The following RAB11FIP3 variants were observed in gnomAD, a reference collection of about 807,000 sequenced individuals.
The protein encoded by RAB11FIP3 is rab11 family-interacting protein 3.
RAB11FIP3 carries 17 observed loss-of-function variants against 77.8 expected under a neutral mutation model. That is an observed-to-expected ratio of 0.22 (90% CI 0.15 to 0.33). The LOEUF is 0.33. Ranked by LOEUF, RAB11FIP3 falls within the 10% of genes least tolerant of loss-of-function variation. The pLI is 1.00. For synonymous variants in RAB11FIP3, 437 were observed against 448.2 expected (o/e 0.98, Z 0.31); for missense variants, 1,005 against 1,011.2 (o/e 0.99, Z 0.08).
intron 5 of RAB11FIP3, among the ~76,000 whole-genome samples, chr16:491,643 C>G (rs2030201473): frequency 6.6e-6 from 1 of 152,234 alleles, no homozygotes; most frequent in Admixed American, 6.5e-5. Flanking sequence ...AAACAGCTTT[C>G]AGGATTGTCA....
chr16:466,666 C>T lies in RAB11FIP3; in HGVS notation c.809-4629C>T, dbSNP rs140462012. On this transcript the variant is annotated intron_variant, in intron 2 of 13. Transcript: ENST00000262305. The stretch of plus-strand genomic sequence containing the variant: ...GTGACTGAAGGGGTGAGAGAGTGAT[C>T]GTCCAAGGACAGCCCATCTCCAGAT... Among the ~76,000 whole-genome samples, 1,054 of 152,292 alleles carry T rather than the reference C, an allele frequency of 6.9e-3. 10 individuals are homozygous for T. Among genetic ancestry groups the T allele is most frequent in the African/African-American group, 0.024 (1,001 of 41,552 alleles).
chr16:461,327 CT>C lies in RAB11FIP3; in HGVS notation c.715-76del. The C allele has an allele frequency of 8.6e-7, 1 of 1,165,628 alleles. No individual in the cohort carries two copies. The highest frequency in any genetic ancestry group is 2.0e-5 in the Admixed American group (1 of 49,092). 72.2% of individuals were successfully genotyped at this position (1,165,628 alleles called of 1,614,324 possible). A position where few individuals can be genotyped will look rare whatever the true frequency, so the allele number is the denominator to read the frequency against. On this transcript the variant is annotated intron_variant, in intron 1 of 13. Coordinates refer to ENST00000262305, the MANE Select transcript of RAB11FIP3 (RefSeq NM_014700.4). The surrounding 1 kb of genome is among the most constrained non-coding windows in gnomAD (Gnocchi z 4.5). Reference sequence around the variant, plus strand: ...TCCCAGCAGGCCACACACCAGATCTCTCCCAGTCCGAGGTCCAGGGTTGGGG... The same window carrying C: ...TCCCAGCAGGCCACACACCAGATCTCCCCAGTCCGAGGTCCAGGGTTGGGG...
At position 452,809 on chromosome 16, in the gene RAB11FIP3, G is replaced by C. The variant is rs563057389; in HGVS notation, c.715-8595G>C. Among the ~76,000 whole-genome samples the C allele has an allele frequency of 1.3e-4, 9 of 66,874 alleles. 1 individual carries two copies. The East Asian group carries it at 3.3e-3, about 24-fold the overall frequency. 43.9% of individuals were successfully genotyped at this position (66,874 alleles called of 152,430 possible). A position where few individuals can be genotyped will look rare whatever the true frequency, so the allele number is the denominator to read the frequency against. On this transcript the variant is annotated intron_variant, in intron 1 of 13. Coordinates refer to ENST00000262305, the MANE Select transcript of RAB11FIP3 (RefSeq NM_014700.4). ...CTCGCTCTGTTGCCCAGGCTAGAGT[G>C]CAGTGAGCGATCTTGGCTCACTGCA...
intron 7 of RAB11FIP3, among the ~76,000 whole-genome samples, chr16:503,828 C>T (rs1030536065): frequency 2.0e-5 from 3 of 151,754 alleles, no homozygotes; most frequent in Non-Finnish European, 4.4e-5. Flanking sequence ...TGCAGTGAGC[C>T]GAGATTGCAC....
intron 5 of RAB11FIP3, among the ~76,000 whole-genome samples, chr16:496,106 C>A (rs2031106302): frequency 6.6e-6 from 1 of 152,156 alleles, no homozygotes; most frequent in Non-Finnish European, 1.5e-5. Context: ...GTTTTTGAGA[C>A]AGGTAAGCTG....
chr16:460,873 G>A lies in RAB11FIP3; in HGVS notation c.715-531G>A, dbSNP rs74000598. 6.7e-3 allele frequency among the ~76,000 whole-genome samples: 1,009 copies of A among 150,584 alleles called. 10 individuals are homozygous for A. The highest frequency in any genetic ancestry group is 0.024 in the African/African-American group (955 of 39,930). On this transcript the variant is annotated intron_variant, in intron 1 of 13. Transcript: ENST00000262305. ...GCAGCCCATTTACAGGGTGCTGCCT[G>A]TCCTGTGGCTGTGACCGTCTGCAGT... is the stretch of plus-strand genomic sequence containing the variant.
chr16:427,011 A>T lies in RAB11FIP3; in HGVS notation c.714+291A>T, dbSNP rs554618830. On this transcript the variant is annotated intron_variant, in intron 1 of 13. Transcript: ENST00000262305. Reference sequence around the variant, plus strand: ...ACCGAGGTCAGCTCCTCGCCTGGGGACACCCCCCCAGGGGGCCTGATCGCC... The same window carrying T: ...ACCGAGGTCAGCTCCTCGCCTGGGGTCACCCCCCCAGGGGGCCTGATCGCC... 4.7e-5 allele frequency among the ~76,000 whole-genome samples: 7 copies of T among 150,532 alleles called. No homozygotes were observed. In the South Asian group the frequency reaches 6.3e-4, roughly 14 times the overall value.
intron 9 of RAB11FIP3, among the ~76,000 whole-genome samples, chr16:512,849 T>A (rs1444776121): frequency 2.0e-5 from 3 of 152,002 alleles, no homozygotes; most frequent in Admixed American, 2.0e-4. Context: ...AGCCAAAAAA[T>A]CATTATTTTA....
chr16:510,806 C>T lies in RAB11FIP3; in HGVS notation c.1640+6C>T, dbSNP rs371764336. On this transcript the variant is annotated splice_donor_region_variant and intron_variant, in intron 9 of 13. Transcript: ENST00000262305. ...ATCGAGAACCTGCAGACCAGGTAGG[C>T]GGTTCCCAACAGCCCATCCACCCCA... 512 of 1,611,162 alleles carry T rather than the reference C, an allele frequency of 3.2e-4. 4 individuals carry two copies. The African/African-American group carries it at 5.9e-3, about 19-fold the overall frequency.
chr16:435,219 AAAGTT>A (rs1320456985), intron 1 of RAB11FIP3, among the ~76,000 whole-genome samples: 2 of 152,024 alleles, frequency 1.3e-5, no homozygotes, highest in South Asian at 2.1e-4. Context: ...AAAAAAAAAA[AAAGTT>A]AAGGACTATT....
chr16:492,362 T>TCCAGGGCCC (rs2030354690), intron 5 of RAB11FIP3, among the ~76,000 whole-genome samples: 1 of 63,664 alleles, frequency 1.6e-5, no homozygotes, highest in African/African-American at 7.9e-5. Flanking sequence ...GAAGAGGGTC[T>TCCAGGGCCC]TCCCGGGAGA....
chr16:501,778 C>T (rs1192559232), intron 6 of RAB11FIP3, among the ~76,000 whole-genome samples: 1 of 150,208 alleles, frequency 6.7e-6, no homozygotes, highest in African/African-American at 2.5e-5. Flanking sequence ...AGAGGGTCCC[C>T]CCATTTCACA....
Position 425,698 on chromosome 16 carries a change from C to T in RAB11FIP3, c.-309C>T, listed in dbSNP as rs2054925476. 3.6e-6 allele frequency: 1 copy of T among 279,312 alleles called. No homozygotes were observed. The highest frequency in any genetic ancestry group is 2.3e-5 in the African/African-American group (1 of 44,322). The allele number at this position is 279,312 out of a possible 1,614,324, so 17.3% of individuals were successfully genotyped here. On this transcript the variant is annotated 5_prime_UTR_variant, in exon 1 of 14. Coordinates refer to ENST00000262305, the MANE Select transcript of RAB11FIP3 (RefSeq NM_014700.4). ...CTTCACAGGCTCCGCGGCCTCCGGCCTCCTCGGCCCCCGTCCCCCGGCCTC... is the reference window on the plus strand; with the variant it reads ...CTTCACAGGCTCCGCGGCCTCCGGCTTCCTCGGCCCCCGTCCCCCGGCCTC...
In RAB11FIP3 at chr16:498,376, C is replaced by T. The variant is rs547466336; in HGVS notation, c.1301+1517C>T. 9.5e-4 allele frequency among the ~76,000 whole-genome samples: 144 copies of T among 152,280 alleles called. 1 individual carries two copies. Among genetic ancestry groups the T allele is most frequent in the African/African-American group, 2.8e-3 (117 of 41,548 alleles). On this transcript the variant is annotated intron_variant, in intron 6 of 13. Transcript: ENST00000262305. ...TTTTAATAGAGATGGAGTTTCACTACGTTGCCCAGACTGATCTTGAGCTCC... is the reference window on the plus strand; with the variant it reads ...TTTTAATAGAGATGGAGTTTCACTATGTTGCCCAGACTGATCTTGAGCTCC...
At chr16:520,666 T>C (rs2032645321) in intron 13 of RAB11FIP3, 60 bp from the exon 14 acceptor site, 1 of 1,611,002 alleles carries the variant, frequency 6.2e-7, no homozygotes, top group East Asian at 2.2e-5. Context: ...TGCGCTGTGG[T>C]TTATGCGCTG....
intron 1 of RAB11FIP3, among the ~76,000 whole-genome samples, chr16:432,776 T>C (rs1285693230): frequency 1.3e-5 from 2 of 151,456 alleles, no homozygotes; most frequent in Admixed American, 1.3e-4. Flanking sequence ...GGCTAAATTT[T>C]TGTATTTTTA....
chr16:437,087 A>G (rs111657372), intron 1 of RAB11FIP3, among the ~76,000 whole-genome samples: 79 of 151,180 alleles, frequency 5.2e-4, no homozygotes, highest in African/African-American at 1.9e-3. Flanking sequence ...ACCAGCCTGG[A>G]CAACATGATA....
In RAB11FIP3 at chr16:425,853, G is replaced by T; in HGVS notation, c.-154G>T. On this transcript the variant is annotated 5_prime_UTR_variant, in exon 1 of 14. An upstream open reading frame in the 5' UTR gains an earlier in-frame stop. Transcript: ENST00000262305. The stretch of plus-strand genomic sequence containing the variant: ...GCTGAGGCGCGGTGCGAAGATGGGC[G>T]AGGACAGAGCAGGGCCCGAGCGCCA... 3.6e-6 allele frequency: 1 copy of T among 278,120 alleles called. No individual in the cohort carries two copies. Among genetic ancestry groups the T allele is most frequent in the South Asian group, 1.5e-4 (1 of 6,838 alleles). 17.2% of individuals were successfully genotyped at this position (278,120 alleles called of 1,614,324 possible).
rs1432248946 is a variant in RAB11FIP3 at position 461,282 on chromosome 16, C to G, written c.715-122C>G. ...AGCTCAGGCGGTAATGCTCCCTCACCTCCTGCTGTGCTTCCCCGTTCCCAG... is the reference window on the plus strand; with the variant it reads ...AGCTCAGGCGGTAATGCTCCCTCACGTCCTGCTGTGCTTCCCCGTTCCCAG... On this transcript the variant is annotated intron_variant, in intron 1 of 13. Coordinates refer to ENST00000262305, the MANE Select transcript of RAB11FIP3 (RefSeq NM_014700.4). This position sits in a 1 kb window ranked among gnomAD's most constrained non-coding sequence, Gnocchi z 4.5. 1.5e-6 allele frequency: 1 copy of G among 666,814 alleles called. No individual in the cohort carries two copies. The highest frequency in any genetic ancestry group is 2.7e-5 in the Admixed American group (1 of 36,504). 41.3% of individuals were successfully genotyped at this position (666,814 alleles called of 1,614,324 possible).
Sources: gnomAD v4.1 joint callset for allele counts (sites outside exome capture counted in the v4.1 genomes callset) on GRCh38, gnomAD v4.1.1 for gene constraint, Gnocchi (gnomAD v3.1) non-coding constraint, MANE v1.5 for transcripts, NCBI Gene and HGNC (gene_info 2026-07-23, HGNC 2026-07-21) for gene names.